Variants in SYNPR observed in about 807,000 individuals in gnomAD.
SYNPR encodes synaptoporin.
Under a neutral mutation model 32.9 loss-of-function variants are expected in SYNPR, and 23 were observed. The ratio of observed to expected loss-of-function variants is 0.70; its 90% CI spans 0.50 to 0.99. The LOEUF is 0.99. SYNPR is among the 50% of genes least tolerant of loss of function. SYNPR has a pLI of 0.00. For missense variants in SYNPR, 318 were observed against 349.3 expected (o/e 0.91, Z 0.71); for synonymous variants, 146 against 135.9 (o/e 1.07, Z -0.52).
At chr3:63,400,159 A>T (rs17031723) in intron 2 of SYNPR, among the ~76,000 whole-genome samples, 1 of 152,044 alleles carries the variant, frequency 6.6e-6, no homozygotes. Context: ...CTTACACAGC[A>T]GTAGCTAATG....
At chr3:63,338,867 G>A (rs1005122633) in intron 2 of SYNPR, among the ~76,000 whole-genome samples, 1 of 152,184 alleles carries the variant, frequency 6.6e-6, no homozygotes, top group Admixed American at 6.5e-5. Context: ...GGTTTACCTT[G>A]TCTCCTTCAA....
At chr3:63,418,408 C>G (rs1158396961) in intron 2 of SYNPR, among the ~76,000 whole-genome samples, 2 of 152,152 alleles carry the variant, frequency 1.3e-5, no homozygotes, top group East Asian at 3.9e-4. Context: ...TTCTTCTGAG[C>G]CCTCCAAACT....
At chr3:63,222,346 C>T in the SYNPR span, among the ~76,000 whole-genome samples, 15 of 152,010 alleles carry the variant, frequency 9.9e-5, no homozygotes, top group Non-Finnish European at 1.6e-4. Context: ...GGGCATTATG[C>T]CTTGAGTTTG....
chr3:63,502,026 A>G (rs563525834), intron 3 of SYNPR, among the ~76,000 whole-genome samples: 3 of 152,314 alleles, frequency 2.0e-5, no homozygotes, highest in Admixed American at 6.5e-5. Flanking sequence ...AAGTCTCATT[A>G]ATAATTATTT....
intron 4 of SYNPR, among the ~76,000 whole-genome samples, chr3:63,608,442 T>G (rs1160102055): frequency 6.6e-6 from 1 of 152,198 alleles, no homozygotes; most frequent in African/African-American, 2.4e-5. Context: ...ATGATTATTG[T>G]AAGAATAATT....
chr3:63,461,224 G>A (rs183976454), intron 2 of SYNPR, among the ~76,000 whole-genome samples: 242 of 152,186 alleles, frequency 1.6e-3, no homozygotes, highest in Middle Eastern at 0.014. Flanking sequence ...TGGGTTTGTT[G>A]ATTCATTTCT....
chr3:63,495,630 C>T (rs1487413137), intron 3 of SYNPR, among the ~76,000 whole-genome samples: 1 of 152,144 alleles, frequency 6.6e-6, no homozygotes, highest in Admixed American at 6.6e-5. Flanking sequence ...GTCTTGCATT[C>T]TGTTGTTTAA....
chr3:63,609,023 A>C (rs1173411456), intron 4 of SYNPR, 102 bp from the exon 5 acceptor site: 32 of 1,247,290 alleles, frequency 2.6e-5, no homozygotes, highest in Non-Finnish European at 3.2e-5. Flanking sequence ...TGGGATCTTA[A>C]AATTTTCCAA....
chr3:63,313,621 T>TATATGTACGCAC (rs1415700830), intron 2 of SYNPR, among the ~76,000 whole-genome samples: 16 of 141,910 alleles, frequency 1.1e-4, no homozygotes, highest in African/African-American at 3.9e-4. Context: ...TACACACACA[T>TATATGTACGCAC]ATACACACAC....
At chr3:63,357,906 C>T (rs1018333204) in intron 2 of SYNPR, among the ~76,000 whole-genome samples, 30 of 152,108 alleles carry the variant, frequency 2.0e-4, no homozygotes, top group African/African-American at 6.3e-4. Context: ...CACATTTTTC[C>T]GGGAAGGAGT....
At chr3:63,436,963 G>A (rs936779667) in intron 2 of SYNPR, among the ~76,000 whole-genome samples, 8 of 152,006 alleles carry the variant, frequency 5.3e-5, no homozygotes, top group African/African-American at 1.9e-4. Flanking sequence ...TGCAACCTCC[G>A]CCTCCCGGGT....
rs143053718 is a variant in SYNPR, at chr3:63,272,967, G to T, written n.287+5518G>T. ...GTGCTTCATGAATCTGCAAAAACATGGGAGTGATCTCAGGAGAATGTTAAA... is the reference window on the plus strand; with the variant it reads ...GTGCTTCATGAATCTGCAAAAACATTGGAGTGATCTCAGGAGAATGTTAAA... On this transcript the variant is annotated intron_variant and non_coding_transcript_variant, in intron 3 of 4. Coordinates refer to the SYNPR transcript ENST00000478456. Among the ~76,000 whole-genome samples the T allele has an allele frequency of 2.3e-3, 355 of 152,218 alleles. 5 individuals are homozygous for T. Among genetic ancestry groups the T allele is most frequent in the African/African-American group, 8.3e-3 (343 of 41,536 alleles).
In SYNPR at chr3:63,304,742, T is replaced by C. The variant is rs146985351; in HGVS notation, c.84+26000T>C. Among the ~76,000 whole-genome samples, 546 of 151,572 alleles carry C rather than the reference T, an allele frequency of 3.6e-3. 2 individuals are homozygous for C. Among genetic ancestry groups the C allele is most frequent in the African/African-American group, 0.012 (479 of 41,496 alleles). ...AAAGTAAAGAATTTGTCATGAACAG[T>C]TGGCCTTTTTAGAAGCTAAATTTCT... is the stretch of plus-strand genomic sequence containing the variant. On this transcript the variant is annotated intron_variant, in intron 2 of 5. Coordinates refer to ENST00000478300, the MANE Select transcript of SYNPR (RefSeq NM_001130003.2).
intron 3 of SYNPR, among the ~76,000 whole-genome samples, chr3:63,502,794 A>G (rs1559519206): frequency 6.6e-6 from 1 of 152,134 alleles, no homozygotes; most frequent in Non-Finnish European, 1.5e-5. Context: ...GCACTTAATA[A>G]TATTCCATTG....
intron 1 of SYNPR, among the ~76,000 whole-genome samples, chr3:63,248,160 C>T (rs2086305683): frequency 6.6e-6 from 1 of 152,126 alleles, no homozygotes; most frequent in Non-Finnish European, 1.5e-5. Flanking sequence ...AAAACTCCCT[C>T]CTTGTTCCCT....
chr3:63,477,141 G>C (rs910432080), intron 2 of SYNPR, among the ~76,000 whole-genome samples: 1 of 152,070 alleles, frequency 6.6e-6, no homozygotes, highest in Non-Finnish European at 1.5e-5. Flanking sequence ...AACTGGGAGG[G>C]GAATCAGTGG....
rs1046921764 is a variant in SYNPR at position 63,615,085 on chromosome 3, T to A, written c.601-139T>A. The A allele has an allele frequency of 2.3e-5, 24 of 1,054,186 alleles. No individual in the cohort carries two copies. In the African/African-American group the frequency reaches 3.4e-4, roughly 15 times the overall value. The allele number at this position is 1,054,186 out of a possible 1,614,324, so 65.3% of individuals were successfully genotyped here. The stretch of plus-strand genomic sequence containing the variant: ...CAAATATTCTAAATGAAATACCGGT[T>A]CCAAATGGAAAACTTGGAAGCGGAC... On this transcript the variant is annotated intron_variant, in intron 5 of 5. Coordinates refer to ENST00000478300, the MANE Select transcript of SYNPR (RefSeq NM_001130003.2).
the SYNPR span, among the ~76,000 whole-genome samples, chr3:63,219,254 T>C: frequency 6.6e-6 from 1 of 151,992 alleles, no homozygotes; most frequent in Non-Finnish European, 1.5e-5. Context: ...GGAAAAACAA[T>C]GTTGTAAGTC....
chr3:63,289,289 T>TA (rs1375173042), intron 2 of SYNPR: 10 of 152,332 alleles, frequency 6.6e-5, no homozygotes, highest in Non-Finnish European at 1.3e-4. Flanking sequence ...TGAGATGTCT[T>TA]AGTCTGCTTT....
Sources: allele counts gnomAD v4.1 joint callset (sites outside exome capture counted in the v4.1 genomes callset), GRCh38; gene constraint gnomAD v4.1.1; transcripts MANE v1.5; gene names NCBI Gene and HGNC (gene_info 2026-07-23, HGNC 2026-07-21).